The following CD1B variants were observed in gnomAD, a reference collection of about 807,000 sequenced individuals.
CD1B encodes the protein T-cell surface glycoprotein CD1b.
CD1B carries 43 observed loss-of-function variants against 39.8 expected under a neutral mutation model. The observed-to-expected ratio is 1.08, with a 90% confidence interval of 0.85 to 1.39. The LOEUF is 1.39. CD1B is among the 40% of genes most tolerant of loss of function. The pLI is 0.00. For synonymous variants in CD1B, 192 were observed against 152.5 expected, an observed-to-expected ratio of 1.26 and a Z score of -1.91; for missense variants, 495 against 403.8, an observed-to-expected ratio of 1.23 and a Z score of -1.94.
At chr1:158,320,859 A>T in the CD1B span, among the ~76,000 whole-genome samples, 1 of 151,878 alleles carries the variant, frequency 6.6e-6, no homozygotes, top group Non-Finnish European at 1.5e-5. Context: ...CTATACCATT[A>T]TTGTTGAAAA....
chr1:158,329,478 TC>T lies in CD1B; in HGVS notation c.777del (p.Trp259Ter). 1 of 1,614,148 alleles carries T rather than the reference TC, an allele frequency of 6.2e-7. No homozygotes were observed. Among genetic ancestry groups the T allele is most frequent in the Non-Finnish European group, 8.5e-7 (1 of 1,180,032 alleles). The stretch of plus-strand genomic sequence containing the variant: ...TCCAGGGTTGCTCGGAGATACCATG[TC>T]CAGTTAGCATTGGGCAGGATGTCCC... ...QLGDILPNANWTWYLRATLDV... is the reference protein window; with the variant it reads ...QLGDILPNANXTWYLRATLDV... On this transcript the variant is annotated frameshift_variant, in exon 4 of 6. Transcript: ENST00000368168. LOFTEE classifies it high-confidence loss of function.
chr1:158,292,964 G>T, the CD1B span: 1 of 1,277,730 alleles, frequency 7.8e-7, no homozygotes, highest in South Asian at 1.4e-5. Context: ...ACCTAGGTGA[G>T]GGATTGTAGG....
At chr1:158,324,275 G>A (rs1652276621), downstream of CD1B, among the ~76,000 whole-genome samples, 1 of 152,084 alleles carries the variant, frequency 6.6e-6, no homozygotes, top group Non-Finnish European at 1.5e-5. Flanking sequence ...CCAGGTGCTG[G>A]TCTGCAATCC....
rs1469002290 is a variant in CD1B, at chr1:158,331,135, A to G, written c.62-73T>C. On this transcript the variant is annotated intron_variant, in intron 1 of 5. Transcript: ENST00000368168. ...GAGACAATTAGGAAGAATGGGAATGAAAATGATTTAGAAAACAAGAACCTA... is the reference window on the plus strand; with the variant it reads ...GAGACAATTAGGAAGAATGGGAATGGAAATGATTTAGAAAACAAGAACCTA... 3.3e-5 allele frequency: 47 copies of G among 1,434,678 alleles called. No individual in the cohort carries two copies. In the East Asian group the frequency reaches 1.0e-3, roughly 32 times the overall value. The allele number at this position is 1,434,678 out of a possible 1,614,324, so 88.9% of individuals were successfully genotyped here.
the CD1B span, among the ~76,000 whole-genome samples, chr1:158,316,618 C>T: frequency 1.6e-4 from 24 of 151,204 alleles, no homozygotes; most frequent in African/African-American, 5.6e-4. Context: ...GACAATTTGA[C>T]TTCCTCTTTT....
the CD1B span, among the ~76,000 whole-genome samples, chr1:158,322,754 G>T: frequency 2.0e-5 from 3 of 151,986 alleles, no homozygotes; most frequent in Non-Finnish European, 4.4e-5. Flanking sequence ...ATTTCTGAAG[G>T]ACATATTTGC....
the CD1B span, among the ~76,000 whole-genome samples, chr1:158,304,155 G>A: frequency 6.6e-6 from 1 of 152,108 alleles, no homozygotes; most frequent in Non-Finnish European, 1.5e-5. Context: ...CGCCTCACCT[G>A]GGAAGCACAA....
the CD1B span, among the ~76,000 whole-genome samples, chr1:158,304,183 T>A: frequency 6.6e-6 from 1 of 152,060 alleles, no homozygotes. Context: ...GGGAATTCCT[T>A]TTCCTAATCA....
the CD1B span, among the ~76,000 whole-genome samples, chr1:158,318,317 T>G: frequency 6.6e-6 from 1 of 152,216 alleles, no homozygotes; most frequent in Non-Finnish European, 1.5e-5. Context: ...TGTAGGTCAC[T>G]CAGGACTTGC....
At chr1:158,314,173 C>T in the CD1B span, among the ~76,000 whole-genome samples, 1 of 152,142 alleles carries the variant, frequency 6.6e-6, no homozygotes, top group Non-Finnish European at 1.5e-5. Context: ...CAACCTCTGC[C>T]TCCCAGGTTC....
the CD1B span, among the ~76,000 whole-genome samples, chr1:158,287,672 A>T: frequency 1.3e-5 from 2 of 152,228 alleles, no homozygotes; most frequent in Non-Finnish European, 1.5e-5. Context: ...GTTATTTTCA[A>T]CTTGTTTGCT....
At chr1:158,317,639 AGG>A in the CD1B span, among the ~76,000 whole-genome samples, 3 of 151,994 alleles carry the variant, frequency 2.0e-5, no homozygotes, top group South Asian at 2.1e-4. Context: ...AATTTTTTGA[AGG>A]GTTTTTGTGT....
At chr1:158,323,372 C>G (rs1410731223), downstream of CD1B, among the ~76,000 whole-genome samples, 2 of 152,000 alleles carry the variant, frequency 1.3e-5, no homozygotes, top group East Asian at 3.9e-4. Context: ...TTAAACTTCT[C>G]TGATAAATTT....
chr1:158,287,300 CACAGAG>C, the CD1B span, among the ~76,000 whole-genome samples: 1 of 152,068 alleles, frequency 6.6e-6, no homozygotes, highest in Non-Finnish European at 1.5e-5. Flanking sequence ...CACACACACA[CACAGAG>C]ACAGAGAGCG....
chr1:158,314,977 G>C, the CD1B span, among the ~76,000 whole-genome samples: 28 of 147,748 alleles, frequency 1.9e-4, no homozygotes, highest in Non-Finnish European at 1.5e-5. Flanking sequence ...CCCTACAAAG[G>C]ACATGAACTC....
chr1:158,319,702 G>T, the CD1B span, among the ~76,000 whole-genome samples: 31 of 152,338 alleles, frequency 2.0e-4, no homozygotes, highest in South Asian at 5.2e-3. Context: ...TCCATTGCTG[G>T]TGAGGAACTG....
chr1:158,321,535 T>C, the CD1B span, among the ~76,000 whole-genome samples: 4 of 152,234 alleles, frequency 2.6e-5, no homozygotes, highest in Non-Finnish European at 5.9e-5. Context: ...AAGGAGGTAC[T>C]ACTGACATTT....
chr1:158,318,171 T>C, the CD1B span, among the ~76,000 whole-genome samples: 1 of 152,210 alleles, frequency 6.6e-6, no homozygotes, highest in Non-Finnish European at 1.5e-5. Flanking sequence ...TGTAGATGTC[T>C]ATTAGGTCCG....
the CD1B span, among the ~76,000 whole-genome samples, chr1:158,294,464 A>G: frequency 6.6e-6 from 1 of 152,228 alleles, no homozygotes; most frequent in Non-Finnish European, 1.5e-5. Flanking sequence ...CAATCTGTCC[A>G]TGTTTCTTTT....
Sources: allele counts gnomAD v4.1 joint callset (sites outside exome capture counted in the v4.1 genomes callset), GRCh38; gene constraint gnomAD v4.1.1; transcripts MANE v1.5; gene names NCBI Gene and HGNC (gene_info 2026-07-23, HGNC 2026-07-21).